MYO16: variants seen among roughly 807,000 people sequenced by gnomAD.
MYO16 encodes the protein unconventional myosin-XVI.
In MYO16, 94 loss-of-function variants were observed where a neutral mutation model predicts 205.3. That is an observed-to-expected ratio of 0.46 (90% CI 0.39 to 0.54). The LOEUF (loss-of-function observed/expected upper bound fraction) is 0.54, where lower values mean the gene tolerates loss of function less well. Ranked by LOEUF, MYO16 falls within the 20% of genes least tolerant of loss-of-function variation. MYO16 has a pLI of 0.00. For synonymous variants in MYO16, 988 were observed against 954.0 expected, an observed-to-expected ratio of 1.04 and a Z score of -0.66; for missense variants, 2,315 against 2,387.5, an observed-to-expected ratio of 0.97 and a Z score of 0.63.
chr13:108,910,082 CTTGTTGATGGATGGG>C lies in MYO16; in HGVS notation c.1860_1874del (p.Leu621_Leu625del). 1 of 1,613,312 alleles carries C rather than the reference CTTGTTGATGGATGGG, an allele frequency of 6.2e-7. No homozygotes were observed. The highest frequency in any genetic ancestry group is 8.5e-7 in the Non-Finnish European group (1 of 1,179,460). Reference sequence around the variant, plus strand: ...GCCAGAGCAATTTTCTCATTTTCTACTTGTTGATGGATGGGTTATCTGCTGAAGAAAAATATGGAC... The same window carrying C: ...GCCAGAGCAATTTTCTCATTTTCTACTTATCTGCTGAAGAAAAATATGGAC... On this transcript the variant is annotated inframe_deletion, in exon 16 of 35. Coordinates refer to ENST00000457511, the MANE Select transcript of MYO16 (RefSeq NM_001198950.3).
intron 4 of MYO16, among the ~76,000 whole-genome samples, chr13:108,771,601 G>T (rs551759929): frequency 6.6e-6 from 1 of 152,070 alleles, no homozygotes; most frequent in South Asian, 2.1e-4. Flanking sequence ...ACAGAAATTT[G>T]CGGAGTGTTT....
intron 32 of MYO16, among the ~76,000 whole-genome samples, chr13:109,143,813 G>A (rs1877207221): frequency 6.6e-6 from 1 of 152,070 alleles, no homozygotes; most frequent in Admixed American, 6.5e-5. Context: ...CTTATTGTGG[G>A]CTTTTCTGAA....
At chr13:109,036,842 AG>A (rs1886733739) in intron 23 of MYO16, among the ~76,000 whole-genome samples, 1 of 152,346 alleles carries the variant, frequency 6.6e-6, no homozygotes, top group Admixed American at 6.5e-5. Flanking sequence ...GGGAAAAGGA[AG>A]GCATAAACCC....
chr13:109,055,572 T>C lies in MYO16; in HGVS notation c.3312T>C (p.Leu1104=). Residue 1104 remains leucine (L), a synonymous_variant, in exon 27 of 35, where the codon CTT becomes CTC. Transcript: ENST00000457511. The surrounding 1 kb of genome is among the most constrained non-coding windows in gnomAD (Gnocchi z 5.0). ...KIFRYGYPVR[L]SFSDFLSRYK... Reference sequence around the variant, plus strand: ...TCCGATATGGATACCCTGTTCGCCTTTCCTTCTCGGATTTCCTGTCAAGGT... The same window carrying C: ...TCCGATATGGATACCCTGTTCGCCTCTCCTTCTCGGATTTCCTGTCAAGGT... 1 of 1,611,542 alleles carries C rather than the reference T, an allele frequency of 6.2e-7. No individual in the cohort carries two copies. The highest frequency in any genetic ancestry group is 1.1e-5 in the South Asian group (1 of 91,070).
upstream of MYO16, chr13:108,596,105 G>A (rs1878548368): frequency 6.6e-6 from 1 of 151,650 alleles, no homozygotes; most frequent in Non-Finnish European, 1.5e-5. Context: ...TGTGTTGAGA[G>A]GTGGGGACGG....
At chr13:108,781,447 C>T (rs967418272) in intron 4 of MYO16, among the ~76,000 whole-genome samples, 8 of 152,206 alleles carry the variant, frequency 5.3e-5, no homozygotes, top group Admixed American at 3.9e-4. Context: ...TCAGCAGCAG[C>T]TCTCTTACAG....
intron 6 of MYO16, among the ~76,000 whole-genome samples, chr13:108,798,936 A>C (rs1176352714): frequency 7.1e-6 from 1 of 140,880 alleles, no homozygotes; most frequent in African/African-American, 2.7e-5. Flanking sequence ...CGATCTCCCG[A>C]CCTCATGATC....
chr13:108,805,609 A>G (rs1260042013), intron 6 of MYO16, among the ~76,000 whole-genome samples: 1 of 151,976 alleles, frequency 6.6e-6, no homozygotes, highest in African/African-American at 2.4e-5. Flanking sequence ...TTTATAAAAT[A>G]CATCATGTAG....
intron 1 of MYO16, among the ~76,000 whole-genome samples, chr13:108,623,832 A>G (rs1594151734): frequency 6.6e-6 from 1 of 152,180 alleles, no homozygotes; most frequent in South Asian, 2.1e-4. Flanking sequence ...AGCCTTCCCT[A>G]TGATAACTAG....
chr13:108,874,092 A>G (rs1879207468), intron 12 of MYO16, among the ~76,000 whole-genome samples: 1 of 152,248 alleles, frequency 6.6e-6, no homozygotes, highest in Admixed American at 6.5e-5. Flanking sequence ...AATAACAATG[A>G]AAAAATCACA....
At chr13:108,946,236 A>C (rs1882935001) in intron 16 of MYO16, among the ~76,000 whole-genome samples, 1 of 152,138 alleles carries the variant, frequency 6.6e-6, no homozygotes, top group Non-Finnish European at 1.5e-5. Context: ...TTTACTAGAT[A>C]ACTTTTCCTA....
chr13:108,596,204 T>C (rs1431167443), exon 1 of MYO16: 1 of 152,106 alleles, frequency 6.6e-6, no homozygotes, highest in Non-Finnish European at 1.5e-5. Context: ...AAAGGTTGTA[T>C]TTTCCTTCTG....
chr13:108,695,178 CTT>C (rs1883042829), intron 2 of MYO16, among the ~76,000 whole-genome samples: 1 of 152,184 alleles, frequency 6.6e-6, no homozygotes, highest in Non-Finnish European at 1.5e-5. Context: ...CCTTCATCCT[CTT>C]TGAGTTATTA....
At chr13:108,943,468 T>A (rs1399758694) in intron 16 of MYO16, among the ~76,000 whole-genome samples, 2 of 151,962 alleles carry the variant, frequency 1.3e-5, no homozygotes, top group Non-Finnish European at 2.9e-5. Flanking sequence ...ATTTTTTTTA[T>A]TTTTTTTGAG....
intron 28 of MYO16, among the ~76,000 whole-genome samples, chr13:109,120,094 A>G (rs1348430501): frequency 6.6e-6 from 1 of 152,232 alleles, no homozygotes; most frequent in Non-Finnish European, 1.5e-5. Context: ...AGTCAAGGCC[A>G]GTGTTTCTCT....
intron 27 of MYO16, among the ~76,000 whole-genome samples, chr13:109,071,896 T>C (rs277852): frequency 0.94 from 142,946 of 152,246 alleles, 67,164 homozygotes; most frequent in East Asian, 1. Context: ...CCCAACACAC[T>C]GCCTGGCTAA....
At chr13:108,889,829 A>G (rs1880077498) in intron 14 of MYO16, among the ~76,000 whole-genome samples, 1 of 152,240 alleles carries the variant, frequency 6.6e-6, no homozygotes, top group Admixed American at 6.5e-5. Context: ...CTTAAGATGC[A>G]GACCTGCCTG....
intron 9 of MYO16, among the ~76,000 whole-genome samples, chr13:108,833,623 G>A (rs1242818718): frequency 6.6e-6 from 1 of 152,002 alleles, no homozygotes; most frequent in Non-Finnish European, 1.5e-5. Flanking sequence ...TAGTTATAAT[G>A]GGCGATAATT....
At chr13:108,839,733 C>T (rs1489902134) in intron 9 of MYO16, among the ~76,000 whole-genome samples, 2 of 152,158 alleles carry the variant, frequency 1.3e-5, no homozygotes, top group Non-Finnish European at 2.9e-5. Flanking sequence ...CCTACTTCCT[C>T]CTCCTCACTA....
Sources: allele counts gnomAD v4.1 joint callset (sites outside exome capture counted in the v4.1 genomes callset), GRCh38; gene constraint gnomAD v4.1.1; non-coding constraint Gnocchi (gnomAD v3.1); transcripts MANE v1.5; gene names NCBI Gene and HGNC (gene_info 2026-07-23, HGNC 2026-07-21).